Variants in OR5L1 observed in about 807,000 individuals in gnomAD.
OR5L1 encodes the protein olfactory receptor 5L1.
For synonymous variants in OR5L1, 197 were observed against 146.6 expected, an observed-to-expected ratio of 1.34 and a Z score of -2.49; for missense variants, 398 against 365.8, an observed-to-expected ratio of 1.09 and a Z score of -0.72.
Position 55,811,821 on chromosome 11 carries a change from G to A in OR5L1, c.355G>A (p.Ala119Thr). ...TGAGGTCTTCCTGCTGGCCGTGATG[G>A]CCTATGACCGCTTTGTGGCCATCTG... ...VTEVFLLAVM[A>T]YDRFVAICNP... Residue 119 changes from alanine to threonine, a missense_variant, in exon 1 of 1, where the codon GCC (alanine) becomes ACC (threonine). Transcript: ENST00000625203. The A allele has an allele frequency of 6.2e-7, 1 of 1,613,940 alleles. No homozygotes were observed. The highest frequency in any genetic ancestry group is 8.5e-7 in the Non-Finnish European group (1 of 1,180,024).
At position 55,811,409 on chromosome 11, in the gene OR5L1, A is replaced by T. The variant is rs1345824722; in HGVS notation, c.-58A>T. 6 of 1,537,168 alleles carry T rather than the reference A, an allele frequency of 3.9e-6. No individual in the cohort carries two copies. Among genetic ancestry groups the T allele is most frequent in the Non-Finnish European group, 4.4e-6 (5 of 1,141,338 alleles). On this transcript the variant is annotated 5_prime_UTR_variant, in exon 1 of 1. Coordinates refer to ENST00000625203, the MANE Select transcript of OR5L1 (RefSeq NM_001004738.2). ...TACAGCCAAAACTAAAATTTAGACTATATAATGGAGAATAATTTTTAAGTT... is the reference window on the plus strand; with the variant it reads ...TACAGCCAAAACTAAAATTTAGACTTTATAATGGAGAATAATTTTTAAGTT...
In OR5L1 at chr11:55,811,568, C is replaced by T; in HGVS notation, c.102C>T (p.Ile34=). The change falls in exon 1 of 1, where the codon ATC becomes ATT. Residue 34 remains isoleucine (I), a synonymous_variant. Coordinates refer to ENST00000625203, the MANE Select transcript of OR5L1 (RefSeq NM_001004738.2). ...RVCLFLLFLL[I]YGVTLLANLG... is the part of the protein sequence containing the mutation. ...GCCTCTTCCTGCTGTTCCTTCTCAT[C>T]TATGGAGTCACGTTGTTAGCCAACC... 6.2e-7 allele frequency: 1 copy of T among 1,614,006 alleles called. No individual in the cohort carries two copies. Among genetic ancestry groups the T allele is most frequent in the African/African-American group, 1.3e-5 (1 of 74,894 alleles).
Position 55,811,680 on chromosome 11 carries a change from T to C in OR5L1, c.214T>C (p.Cys72Arg). 6.2e-7 allele frequency: 1 copy of C among 1,614,100 alleles called. No homozygotes were observed. ...CAGCCACTTGTCCTCTGTAGATTTC[T>C]GCTACTCCTCAATAATTGTGCCAAA... ...FLSHLSSVDF[C>R]YSSIIVPKML... is the part of the protein sequence containing the mutation. The change falls in exon 1 of 1, where the codon TGC becomes CGC. Residue 72 changes from cysteine (C) to arginine (R), a missense_variant. By Grantham distance (180) the Cys-to-Arg change is radical. Transcript: ENST00000625203.
rs766334249 is a variant in OR5L1, at chr11:55,811,976, A to G, written c.510A>G (p.Arg170=). ...LCLALRIPFY[R]SNVINHFFCD... ...TAGCTCTTAGGATCCCCTTCTATAG[A>G]TCTAATGTGATTAACCACTTTTTCT... The change falls in exon 1 of 1, where the codon AGA becomes AGG. Residue 170 remains arginine (R), a synonymous_variant. Coordinates refer to ENST00000625203, the MANE Select transcript of OR5L1 (RefSeq NM_001004738.2). 1 of 1,613,892 alleles carries G rather than the reference A, an allele frequency of 6.2e-7. No individual in the cohort carries two copies. Among genetic ancestry groups the G allele is most frequent in the South Asian group, 1.1e-5 (1 of 91,078 alleles).
Position 55,812,087 on chromosome 11 carries a change from G to C in OR5L1, c.621G>C (p.Glu207Asp), listed in dbSNP as rs758759778. Residue 207 changes from glutamate (E) to aspartate (D), a missense_variant, in exon 1 of 1, where the codon GAG (glutamate) becomes GAC (aspartate). Coordinates refer to ENST00000625203, the MANE Select transcript of OR5L1 (RefSeq NM_001004738.2). ...TGTTCCTGGTGGCCACTTTGAATGA[G>C]AGTGTTACCATCATGATCATCCTCA... ...TLLFLVATLN[E>D]SVTIMIILTS... The C allele has an allele frequency of 3.7e-6, 6 of 1,613,966 alleles. No homozygotes were observed. In the East Asian group the frequency reaches 8.9e-5, roughly 24 times the overall value.
In OR5L1 at chr11:55,811,997, T is replaced by C. The variant is rs768171994; in HGVS notation, c.531T>C (p.Phe177=). Residue 177 remains phenylalanine, a synonymous_variant, in exon 1 of 1, where the codon TTT becomes TTC. Coordinates refer to ENST00000625203, the MANE Select transcript of OR5L1 (RefSeq NM_001004738.2). The stretch of plus-strand genomic sequence containing the variant: ...ATAGATCTAATGTGATTAACCACTT[T>C]TTCTGTGATCTACCTCCTGTCTTAA... ...PFYRSNVINH[F]FCDLPPVLSL... 4.1e-5 allele frequency: 66 copies of C among 1,613,868 alleles called. No homozygotes were observed. Among genetic ancestry groups the C allele is most frequent in the Non-Finnish European group, 5.5e-5 (65 of 1,179,998 alleles).
rs764700404 is a variant in OR5L1 at position 55,811,491 on chromosome 11, G to A, written c.25G>A (p.Val9Met). Residue 9 changes from valine to methionine, a missense_variant, in exon 1 of 1, where the codon GTG becomes ATG. Transcript: ENST00000625203. ...CATGGGCAAGGAAAACTGCACCACT[G>A]TGGCTGAGTTCATTCTCCTTGGACT... The part of the protein sequence containing the change: MGKENCTT[V>M]AEFILLGLSD... 39 of 1,613,370 alleles carry A rather than the reference G, an allele frequency of 2.4e-5. No homozygotes were observed. Among genetic ancestry groups the A allele is most frequent in the Non-Finnish European group, 3.1e-5 (36 of 1,179,738 alleles).
In OR5L1 at chr11:55,812,050, A is replaced by G. The variant is rs1213687605; in HGVS notation, c.584A>G (p.Asn195Ser). ...LSLACSDITV[N>S]ETLLFLVATL... ...CTTGCTTGCTCTGATATCACTGTGA[A>G]TGAGACACTGCTGTTCCTGGTGGCC... The change falls in exon 1 of 1, where the codon AAT (asparagine) becomes AGT (serine). Residue 195 changes from asparagine (N) to serine (S), a missense_variant. Asn to Ser is a conservative substitution (Grantham distance 46, BLOSUM62 1). Transcript: ENST00000625203. The G allele has an allele frequency of 6.2e-7, 1 of 1,613,982 alleles. No individual in the cohort carries two copies. Among genetic ancestry groups the G allele is most frequent in the East Asian group, 2.2e-5 (1 of 44,870 alleles).
Position 55,811,925 on chromosome 11 carries a change from G to T in OR5L1, c.459G>T (p.Thr153=). ...CTTCTTGCTGCTACTTCTGTGGGACGGTGTGTTCTCTGATTCATTTGTGCT... is the reference window on the plus strand; with the variant it reads ...CTTCTTGCTGCTACTTCTGTGGGACTGTGTGTTCTCTGATTCATTTGTGCT... ...ELASCCYFCG[T]VCSLIHLCLA... Residue 153 remains threonine, a synonymous_variant, in exon 1 of 1, where the codon ACG becomes ACT. Transcript: ENST00000625203. 1.2e-6 allele frequency: 2 copies of T among 1,613,786 alleles called. No individual in the cohort carries two copies. The highest frequency in any genetic ancestry group is 1.7e-6 in the Non-Finnish European group (2 of 1,179,958).
chr11:55,811,375 T>C lies in OR5L1; in HGVS notation c.-92T>C, dbSNP rs1269868948. On this transcript the variant is annotated 5_prime_UTR_variant, in exon 1 of 1. Transcript: ENST00000625203. The stretch of plus-strand genomic sequence containing the variant: ...ACTATCCTACTTTTTCTGGTGTCTT[T>C]TTACAGGATACAGCCAAAACTAAAA... 7 of 1,361,858 alleles carry C rather than the reference T, an allele frequency of 5.1e-6. No individual in the cohort carries two copies. Among genetic ancestry groups the C allele is most frequent in the Non-Finnish European group, 4.9e-6 (5 of 1,010,332 alleles). The allele number at this position is 1,361,858 out of a possible 1,614,324, so 84.4% of individuals were successfully genotyped here. A position where few individuals can be genotyped will look rare whatever the true frequency, so the allele number is the denominator to read the frequency against.
At position 55,811,971 on chromosome 11, in the gene OR5L1, T is replaced by G. The variant is rs773082649; in HGVS notation, c.505T>G (p.Tyr169Asp). 3.1e-6 allele frequency: 5 copies of G among 1,613,870 alleles called. No individual in the cohort carries two copies. The highest frequency in any genetic ancestry group is 3.4e-6 in the Non-Finnish European group (4 of 1,180,014). The change falls in exon 1 of 1, where the codon TAT (tyrosine) becomes GAT (aspartate). Residue 169 changes from tyrosine (Y) to aspartate (D), a missense_variant. Tyr to Asp is a radical substitution (Grantham distance 160, BLOSUM62 -3). Transcript: ENST00000625203. Reference sequence around the variant, plus strand: ...GTGCTTAGCTCTTAGGATCCCCTTCTATAGATCTAATGTGATTAACCACTT... The same window carrying G: ...GTGCTTAGCTCTTAGGATCCCCTTCGATAGATCTAATGTGATTAACCACTT... ...HLCLALRIPF[Y>D]RSNVINHFFC...
Position 55,812,451 on chromosome 11 carries a change from G to C in OR5L1, c.*49G>C, listed in dbSNP as rs745494201. The C allele has an allele frequency of 1.5e-6, 2 of 1,353,432 alleles. No homozygotes were observed. Among genetic ancestry groups the C allele is most frequent in the Admixed American group, 1.9e-5 (1 of 53,680 alleles). 83.8% of individuals were successfully genotyped at this position (1,353,432 alleles called of 1,614,324 possible). ...AGGATTCCCAAGTAGTGGCAGGCGG[G>C]GGTTCACGGGAGAGGCACAGTGTTG... On this transcript the variant is annotated 3_prime_UTR_variant, in exon 1 of 1. Transcript: ENST00000625203.
Position 55,811,857 on chromosome 11 carries a change from C to T in OR5L1, c.391C>T (p.Leu131=). The change falls in exon 1 of 1, where the codon CTA becomes TTA. Residue 131 remains leucine (L), a synonymous_variant. Transcript: ENST00000625203. The part of the protein sequence containing the change: ...DRFVAICNPL[L]YTVTMSWKVR... ...CTTTGTGGCCATCTGTAACCCTTTGCTATACACAGTCACCATGTCTTGGAA... is the reference window on the plus strand; with the variant it reads ...CTTTGTGGCCATCTGTAACCCTTTGTTATACACAGTCACCATGTCTTGGAA... The T allele has an allele frequency of 6.2e-7, 1 of 1,614,012 alleles. No individual in the cohort carries two copies. Among genetic ancestry groups the T allele is most frequent in the Non-Finnish European group, 8.5e-7 (1 of 1,180,008 alleles).
rs760675887 is a variant in OR5L1 at position 55,811,876 on chromosome 11, C to T, written c.410C>T (p.Ser137Phe). The T allele has an allele frequency of 6.2e-7, 1 of 1,613,966 alleles. No individual in the cohort carries two copies. The highest frequency in any genetic ancestry group is 8.5e-7 in the Non-Finnish European group (1 of 1,180,022). Residue 137 changes from serine to phenylalanine, a missense_variant, in exon 1 of 1, where the codon TCT (serine) becomes TTT (phenylalanine). Transcript: ENST00000625203. ...CNPLLYTVTMSWKVRVELASC... is the reference protein window; with the variant it reads ...CNPLLYTVTMFWKVRVELASC... Reference sequence around the variant, plus strand: ...CCTTTGCTATACACAGTCACCATGTCTTGGAAGGTGCGTGTGGAGCTGGCT... The same window carrying T: ...CCTTTGCTATACACAGTCACCATGTTTTGGAAGGTGCGTGTGGAGCTGGCT...
Position 55,812,096 on chromosome 11 carries a change from C to T in OR5L1, c.630C>T (p.Thr210=), listed in dbSNP as rs137939912. 6.4e-5 allele frequency: 103 copies of T among 1,613,816 alleles called. No individual in the cohort carries two copies. In the African/African-American group the frequency reaches 1.3e-3, roughly 20 times the overall value. Residue 210 remains threonine, a synonymous_variant, in exon 1 of 1, where the codon ACC becomes ACT. Transcript: ENST00000625203. ...TGGCCACTTTGAATGAGAGTGTTAC[C>T]ATCATGATCATCCTCACCTCCTACC... ...FLVATLNESV[T]IMIILTSYLL... is the part of the protein sequence containing the mutation.
Position 55,812,433 on chromosome 11 carries a change from C to A in OR5L1, c.*31C>A. ...ATTTTATTAGCACAATTCAGGATTCCCAAGTAGTGGCAGGCGGGGGTTCAC... is the reference window on the plus strand; with the variant it reads ...ATTTTATTAGCACAATTCAGGATTCACAAGTAGTGGCAGGCGGGGGTTCAC... On this transcript the variant is annotated 3_prime_UTR_variant, in exon 1 of 1. Coordinates refer to ENST00000625203, the MANE Select transcript of OR5L1 (RefSeq NM_001004738.2). 1 of 1,521,988 alleles carries A rather than the reference C, an allele frequency of 6.6e-7. No individual in the cohort carries two copies. Among genetic ancestry groups the A allele is most frequent in the African/African-American group, 1.4e-5 (1 of 72,644 alleles). The allele number at this position is 1,521,988 out of a possible 1,614,324, so 94.3% of individuals were successfully genotyped here.
chr11:55,812,245 G>T lies in OR5L1; in HGVS notation c.779G>T (p.Cys260Phe), dbSNP rs1476294938. 4.3e-6 allele frequency: 7 copies of T among 1,613,656 alleles called. No individual in the cohort carries two copies. Among genetic ancestry groups the T allele is most frequent in the Admixed American group, 3.3e-5 (2 of 59,974 alleles). The change falls in exon 1 of 1, where the codon TGC becomes TTC. Residue 260 changes from cysteine (C) to phenylalanine (F), a missense_variant. Coordinates refer to ENST00000625203, the MANE Select transcript of OR5L1 (RefSeq NM_001004738.2). ...CATGGAACAGTCCTTTCCATTTATTGCAGGCCCAGTTCAGGCAATAGTGGA... is the reference window on the plus strand; with the variant it reads ...CATGGAACAGTCCTTTCCATTTATTTCAGGCCCAGTTCAGGCAATAGTGGA... ...VFHGTVLSIYCRPSSGNSGDA... is the reference protein window; with the variant it reads ...VFHGTVLSIYFRPSSGNSGDA...
chr11:55,811,367 G>T lies in OR5L1; in HGVS notation c.-100G>T. ...TAAGATAAACTATCCTACTTTTTCT[G>T]GTGTCTTTTTACAGGATACAGCCAA... On this transcript the variant is annotated 5_prime_UTR_variant, in exon 1 of 1. Coordinates refer to ENST00000625203, the MANE Select transcript of OR5L1 (RefSeq NM_001004738.2). The T allele has an allele frequency of 3.2e-6, 4 of 1,239,368 alleles. No individual in the cohort carries two copies. The highest frequency in any genetic ancestry group is 3.3e-6 in the Non-Finnish European group (3 of 903,670). 76.8% of individuals were successfully genotyped at this position (1,239,368 alleles called of 1,614,324 possible). A position where few individuals can be genotyped will look rare whatever the true frequency, so the allele number is the denominator to read the frequency against.
Position 55,811,673 on chromosome 11 carries a change from A to G in OR5L1, c.207A>G (p.Val69=), listed in dbSNP as rs751668023. 7.2e-5 allele frequency: 116 copies of G among 1,613,900 alleles called. No individual in the cohort carries two copies. The highest frequency in any genetic ancestry group is 8.9e-5 in the Non-Finnish European group (105 of 1,180,024). Residue 69 remains valine (V), a synonymous_variant, in exon 1 of 1, where the codon GTA becomes GTG. Transcript: ENST00000625203. ...MYFFLSHLSS[V]DFCYSSIIVP... is the part of the protein sequence containing the mutation. ...TTTTCCTCAGCCACTTGTCCTCTGT[A>G]GATTTCTGCTACTCCTCAATAATTG...
Sources: gnomAD v4.1 joint callset for allele counts on GRCh38, gnomAD v4.1.1 for gene constraint, MANE v1.5 for transcripts, NCBI Gene and HGNC (gene_info 2026-07-23, HGNC 2026-07-21) for gene names.